BHMT: variants seen among roughly 807,000 people sequenced by gnomAD.
The protein encoded by BHMT is betaine--homocysteine S-methyltransferase, also known as betaine--homocysteine S-methyltransferase 1.
In BHMT, 38 loss-of-function variants were observed where a neutral mutation model predicts 49.5. The observed-to-expected ratio is 0.77, with a 90% CI of 0.59 to 1.01. The LOEUF (loss-of-function observed/expected upper bound fraction) is 1.01. BHMT is among the 50% of genes least tolerant of loss of function. BHMT has a pLI of 0.00. For synonymous variants in BHMT, 166 were observed against 176.3 expected (o/e 0.94, Z 0.46); for missense variants, 426 against 495.7 (o/e 0.86, Z 1.34).
chr5:79,115,833 G>A lies in BHMT; in HGVS notation c.100G>A (p.Glu34Lys), dbSNP rs1422170944. Residue 34 changes from glutamate (E) to lysine (K), a missense_variant, in exon 2 of 8, where the codon GAG (glutamate) becomes AAG (lysine). Physicochemically the swap from Glu to Lys is moderately conservative, Grantham distance 56. Transcript: ENST00000274353. ...AGATGGAGGGTTTGTCTTTGCACTG[G>A]AGAAGAGGGGCTACGTAAAGGCAGG... Reference protein sequence around the residue: ...IGDGGFVFALEKRGYVKAGPW... With the variant: ...IGDGGFVFALKKRGYVKAGPW... The A allele has an allele frequency of 1.2e-6, 2 of 1,613,986 alleles. No individual in the cohort carries two copies. The highest frequency in any genetic ancestry group is 1.3e-5 in the African/African-American group (1 of 74,924).
At chr5:79,130,894 G>A (rs772882154) in intron 7 of BHMT, 39 bp from the exon 8 acceptor site, 1 of 1,500,206 alleles carries the variant, frequency 6.7e-7, no homozygotes, top group Non-Finnish European at 8.9e-7. Context: ...AGCTAGGGGA[G>A]GAGTCTGTTG....
At chr5:79,128,211 A>T (rs762274640) in intron 7 of BHMT, 68 of 638,134 alleles carry the variant, frequency 1.1e-4, no homozygotes, top group Admixed American at 2.8e-4. Context: ...AAAAAGAAAA[A>T]TTTTTTTAAA....
intron 7 of BHMT, among the ~76,000 whole-genome samples, chr5:79,128,528 T>TAAAA (rs376054592): frequency 0.27 from 35,080 of 131,930 alleles, 6,063 homozygotes; most frequent in South Asian, 0.4. Context: ...AGACCCTGTT[T>TAAAA]TAAAAAAAAA....
chr5:79,121,150 CAAAAA>C, intron 4 of BHMT, 63 bp from the exon 5 acceptor site: 1 of 1,357,610 alleles, frequency 7.4e-7, no homozygotes, highest in Admixed American at 2.2e-5. Context: ...AACTCCGTCT[CAAAAA>C]AAAAAAAAAA....
At chr5:79,125,459 GAA>G (rs538684708) in intron 5 of BHMT, among the ~76,000 whole-genome samples, 2 of 104,542 alleles carry the variant, frequency 1.9e-5, no homozygotes, top group African/African-American at 3.9e-5. Context: ...CTGTGTCTCA[GAA>G]AAAAAAAAAA....
intron 1 of BHMT, among the ~76,000 whole-genome samples, chr5:79,113,019 C>A (rs1167716636): frequency 1.3e-5 from 2 of 152,214 alleles, no homozygotes; most frequent in African/African-American, 4.8e-5. Context: ...AAAGGTCCAG[C>A]TCTCATCCCA....
rs1010811903 is a variant in BHMT at position 79,131,251 on chromosome 5, T to C, written c.*135T>C. On this transcript the variant is annotated 3_prime_UTR_variant, in exon 8 of 8. Transcript: ENST00000274353. The stretch of plus-strand genomic sequence containing the variant: ...TATTATTGCTATTACCTGAACAAAA[T>C]AGAATTACAAATAGCACTTGATAAT... The C allele has an allele frequency of 1.2e-5, 10 of 838,344 alleles. No homozygotes were observed. The highest frequency in any genetic ancestry group is 1.8e-5 in the African/African-American group (1 of 56,966). The allele number at this position is 838,344 out of a possible 1,614,324, so 51.9% of individuals were successfully genotyped here. A position where few individuals can be genotyped will look rare whatever the true frequency, so the allele number is the denominator to read the frequency against.
intron 1 of BHMT, among the ~76,000 whole-genome samples, chr5:79,112,468 C>A (rs1208743715): frequency 6.6e-6 from 1 of 152,224 alleles, no homozygotes; most frequent in Non-Finnish European, 1.5e-5. Context: ...CTGGCTCCGA[C>A]ATTTCCCGCC....
intron 6 of BHMT, 145 bp from the exon 7 acceptor site, chr5:79,127,610 C>A: frequency 8.5e-7 from 1 of 1,182,864 alleles, no homozygotes; most frequent in Non-Finnish European, 1.2e-6. Context: ...ACATACAACA[C>A]AAAGTAGCAA....
chr5:79,130,269 G>A (rs529108959), intron 7 of BHMT, among the ~76,000 whole-genome samples: 8 of 152,266 alleles, frequency 5.3e-5, no homozygotes, highest in Admixed American at 5.2e-4. Context: ...GATGCACTCT[G>A]AGAATCCAAA....
chr5:79,127,132 C>G (rs1157100470), intron 6 of BHMT, among the ~76,000 whole-genome samples: 1 of 152,102 alleles, frequency 6.6e-6, no homozygotes, highest in African/African-American at 2.4e-5. Flanking sequence ...GATAGCATAA[C>G]TAGGTGGTTT....
chr5:79,112,065 T>C (rs1756310190), intron 1 of BHMT, 147 bp downstream of exon 1: 2 of 1,054,796 alleles, frequency 1.9e-6, no homozygotes, highest in African/African-American at 1.7e-5. Context: ...CAGACCAGAA[T>C]GTGCTTCCAG....
chr5:79,125,729 C>T (rs573217621), intron 5 of BHMT, among the ~76,000 whole-genome samples: 4 of 151,526 alleles, frequency 2.6e-5, no homozygotes, highest in South Asian at 4.2e-4. Flanking sequence ...CTCAGGAGTT[C>T]GAGACCAGCC....
intron 5 of BHMT, among the ~76,000 whole-genome samples, chr5:79,122,523 T>G (rs622087): frequency 0.73 from 110,055 of 151,798 alleles, 40,231 homozygotes; most frequent in East Asian, 0.91. Context: ...TTTATTAATA[T>G]AATGAAGTTA....
Position 79,131,028 on chromosome 5 carries a change from G to A in BHMT, c.1133G>A (p.Gly378Glu), listed in dbSNP as rs80045339. Residue 378 changes from glycine (G) to glutamate (E), a missense_variant, in exon 8 of 8, where the codon GGA becomes GAA. By Grantham distance (98) the Gly-to-Glu change is moderately conservative. Transcript: ENST00000274353. ...CCAGATGGCTGGGGAGTGACCAAAG[G>A]AACAGCCGAGCTGATGCAGCAGAAA... is the stretch of plus-strand genomic sequence containing the variant. Reference protein sequence around the residue: ...SKPDGWGVTKGTAELMQQKEA... With the variant: ...SKPDGWGVTKETAELMQQKEA... The A allele has an allele frequency of 6.2e-7, 1 of 1,613,924 alleles. No individual in the cohort carries two copies. The highest frequency in any genetic ancestry group is 8.5e-7 in the Non-Finnish European group (1 of 1,179,978).
At chr5:79,130,226 A>G (rs563118039) in intron 7 of BHMT, among the ~76,000 whole-genome samples, 22 of 152,190 alleles carry the variant, frequency 1.4e-4, no homozygotes, top group African/African-American at 5.1e-4. Flanking sequence ...GAGGGGGTGG[A>G]ATTTTTAGTC....
Position 79,130,873 on chromosome 5 carries a change from A to G in BHMT, c.1038-60A>G, listed in dbSNP as rs1195411573. 5.7e-6 allele frequency: 8 copies of G among 1,412,266 alleles called. No homozygotes were observed. The East Asian group carries it at 1.7e-4, about 30-fold the overall frequency. 87.5% of individuals were successfully genotyped at this position (1,412,266 alleles called of 1,614,324 possible). A position where few individuals can be genotyped will look rare whatever the true frequency, so the allele number is the denominator to read the frequency against. ...TATAATTTTTAAATGGTTCCATGAT[A>G]TAAAGACCAAAGCTAGGGGAGGAGT... On this transcript the variant is annotated intron_variant, in intron 7 of 7. Transcript: ENST00000274353.
chr5:79,112,007 C>T, intron 1 of BHMT, 89 bp downstream of exon 1: 1 of 1,393,160 alleles, frequency 7.2e-7, no homozygotes, highest in South Asian at 1.4e-5. Context: ...GGCCCTCGGA[C>T]CCTGCCTGGT....
At chr5:79,114,981 A>G (rs377091076) in intron 1 of BHMT, among the ~76,000 whole-genome samples, 10 of 152,224 alleles carry the variant, frequency 6.6e-5, no homozygotes, top group Admixed American at 5.2e-4. Context: ...TGGAATAAGT[A>G]TGGAGATTGG....
Sources: allele counts gnomAD v4.1 joint callset (sites outside exome capture counted in the v4.1 genomes callset), GRCh38; gene constraint gnomAD v4.1.1; transcripts MANE v1.5; gene names NCBI Gene and HGNC (gene_info 2026-07-23, HGNC 2026-07-21).